ZC3H14: variants seen among roughly 807,000 people sequenced by gnomAD.
The protein encoded by ZC3H14 is zinc finger CCCH-type containing 14, also known as zinc finger CCCH domain-containing protein 14.
A neutral mutation model predicts 92.4 loss-of-function variants in ZC3H14; 31 were observed. The observed-to-expected ratio is 0.34, with a 90% CI of 0.25 to 0.45. The LOEUF (loss-of-function observed/expected upper bound fraction) is 0.45. Among genes scored for constraint, ZC3H14 ranks in the 20% least tolerant of loss-of-function variants. The pLI, the probability that ZC3H14 is intolerant of heterozygous loss-of-function variation, is 1.00. For synonymous variants in ZC3H14, 321 were observed against 300.9 expected (o/e 1.07, Z -0.69); for missense variants, 781 against 897.3 (o/e 0.87, Z 1.66).
At chr14:88,593,008 G>A (rs1418011532) in intron 9 of ZC3H14, among the ~76,000 whole-genome samples, 2 of 142,592 alleles carry the variant, frequency 1.4e-5, no homozygotes, top group Admixed American at 7.3e-5. Flanking sequence ...TCCCTCTGTC[G>A]CCTAGGCTGG....
At chr14:88,608,940 T>TA in intron 13 of ZC3H14, 2 of 320,858 alleles carry the variant, frequency 6.2e-6, no homozygotes, top group Non-Finnish European at 5.9e-6. Flanking sequence ...AAGCCTTGCA[T>TA]AGAGGATGTG....
chr14:88,572,866 T>C lies in ZC3H14; in HGVS notation c.720T>C (p.Ser240=). The C allele has an allele frequency of 1.2e-6, 2 of 1,614,216 alleles. No homozygotes were observed. Among genetic ancestry groups the C allele is most frequent in the Non-Finnish European group, 1.7e-6 (2 of 1,180,038 alleles). ...NRLQFQQQQN[S]IHAAKQLDMQ... ...TGCAATTTCAACAGCAGCAGAATAG[T>C]ATTCATGCTGCCAAGCAGCTTGATA... Residue 240 remains serine (S), a synonymous_variant, in exon 6 of 17, where the codon AGT becomes AGC. Transcript: ENST00000251038.
In ZC3H14 at chr14:88,594,943, A is replaced by G. The variant is rs766997705; in HGVS notation, c.1280-1791A>G. 17 of 1,613,870 alleles carry G rather than the reference A, an allele frequency of 1.1e-5. No homozygotes were observed. The South Asian group carries it at 1.9e-4, about 18-fold the overall frequency. ...AGCAAATCTTTTTGATCTAAATGTT[A>G]GAGTGTCCAAGAATGAAGCAAAAAT... On this transcript the variant is annotated intron_variant, in intron 9 of 16. Transcript: ENST00000251038.
In ZC3H14 at chr14:88,627,309, G is replaced by T. The variant is rs971138850; in HGVS notation, c.*15558G>T. ...GTAGGTAATATTATCCTGCTGATCT[G>T]CCATTATCATTAGAAATATACATAA... On this transcript the variant is annotated 3_prime_UTR_variant, in exon 17 of 17. Coordinates refer to ENST00000251038, the MANE Select transcript of ZC3H14 (RefSeq NM_024824.5). The T allele has an allele frequency of 4.0e-5, 20 of 494,988 alleles. No individual in the cohort carries two copies. The highest frequency in any genetic ancestry group is 5.4e-4 in the Middle Eastern group (1 of 1,856). The allele number at this position is 494,988 out of a possible 1,614,324, so 30.7% of individuals were successfully genotyped here.
intron 12 of ZC3H14, among the ~76,000 whole-genome samples, chr14:88,604,596 T>C (rs1221543340): frequency 1.0e-5 from 1 of 96,450 alleles, no homozygotes; most frequent in Non-Finnish European, 2.8e-5. Flanking sequence ...GCTTGCTTTC[T>C]TTGTTTTTTT....
chr14:88,572,047 T>A lies in ZC3H14; in HGVS notation c.253T>A (p.Ser85Thr), dbSNP rs1566895889. 1 of 1,613,922 alleles carries A rather than the reference T, an allele frequency of 6.2e-7. No homozygotes were observed. Among genetic ancestry groups the A allele is most frequent in the East Asian group, 2.2e-5 (1 of 44,888 alleles). Residue 85 changes from serine (S) to threonine (T), a missense_variant, in exon 5 of 17, where the codon TCT becomes ACT. Physicochemically the swap from Ser to Thr is moderately conservative, Grantham distance 58. This residue lies in a region of ZC3H14 where 106 missense variants were observed against 154.2 expected (regional missense o/e 0.69). Transcript: ENST00000251038. Reference sequence around the variant, plus strand: ...CTTTTCAGAACCCTCTAGTCTGAAGTCTTCTGATACCAACATCTTTGATAG... The same window carrying A: ...CTTTTCAGAACCCTCTAGTCTGAAGACTTCTGATACCAACATCTTTGATAG... ...SVTTEPSSLK[S>T]SDTNIFDSNV...
Position 88,621,186 on chromosome 14 carries a change from G to A in ZC3H14, c.*9435G>A, listed in dbSNP as rs1391481088. On this transcript the variant is annotated 3_prime_UTR_variant, in exon 17 of 17. Transcript: ENST00000251038. ...AAGGAAAAAATCCCTGGAAGGATGT[G>A]TTGCTAGTCCCCAGATTGGCCCATC... 6.2e-7 allele frequency: 1 copy of A among 1,613,814 alleles called. No individual in the cohort carries two copies. Among genetic ancestry groups the A allele is most frequent in the Non-Finnish European group, 8.5e-7 (1 of 1,179,872 alleles).
chr14:88,575,416 T>C (rs1284333692), intron 7 of ZC3H14, among the ~76,000 whole-genome samples: 1 of 151,956 alleles, frequency 6.6e-6, no homozygotes, highest in Non-Finnish European at 1.5e-5. Flanking sequence ...AAAAGGGGCC[T>C]AGGCATGGTG....
In ZC3H14 at chr14:88,614,570, C is replaced by G. The variant is rs564506484; in HGVS notation, c.*2819C>G. ...ATAAAGATAATTAACACATTAAAAA[C>G]TCATAGGGTCAATACAGCATCTTAA... is the stretch of plus-strand genomic sequence containing the variant. On this transcript the variant is annotated 3_prime_UTR_variant, in exon 17 of 17. Transcript: ENST00000251038. The G allele has an allele frequency of 6.6e-6, 1 of 152,258 alleles. No individual in the cohort carries two copies. The highest frequency in any genetic ancestry group is 1.9e-4 in the East Asian group (1 of 5,186). 9.4% of individuals were successfully genotyped at this position (152,258 alleles called of 1,614,324 possible). A position where few individuals can be genotyped will look rare whatever the true frequency, so the allele number is the denominator to read the frequency against.
chr14:88,577,361 CAT>C (rs1485662678), intron 8 of ZC3H14, among the ~76,000 whole-genome samples: 2 of 152,094 alleles, frequency 1.3e-5, no homozygotes, highest in African/African-American at 4.8e-5. Flanking sequence ...ATTTGAAACT[CAT>C]ATAAGATCAT....
chr14:88,569,455 T>A (rs1386056288), intron 3 of ZC3H14, among the ~76,000 whole-genome samples: 4 of 152,230 alleles, frequency 2.6e-5, no homozygotes, highest in African/African-American at 9.6e-5. Flanking sequence ...ATTACTGTTA[T>A]ATGCCTTTAG....
At position 88,618,558 on chromosome 14, in the gene ZC3H14, C is replaced by G; in HGVS notation, c.*6807C>G. On this transcript the variant is annotated 3_prime_UTR_variant, in exon 17 of 17. Transcript: ENST00000251038. The stretch of plus-strand genomic sequence containing the variant: ...AAAGGGAGGAGTTGAGAAGCTGGAG[C>G]TCTGGAGCTCAGGAACTTTAAATGC... The G allele has an allele frequency of 7.0e-7, 1 of 1,419,520 alleles. No homozygotes were observed. The highest frequency in any genetic ancestry group is 1.4e-5 in the African/African-American group (1 of 70,026). 87.9% of individuals were successfully genotyped at this position (1,419,520 alleles called of 1,614,324 possible).
rs74075832 is a variant in ZC3H14 at position 88,597,240 on chromosome 14, T to C, written c.1354+432T>C. The stretch of plus-strand genomic sequence containing the variant: ...CCACACCTGGAACTTGTTGTTCTAG[T>C]GTTCTAGAGCCACTCTAGTTTGCCT... On this transcript the variant is annotated intron_variant, in intron 10 of 16. Transcript: ENST00000251038. Among the ~76,000 whole-genome samples, 400 of 152,312 alleles carry C rather than the reference T, an allele frequency of 2.6e-3. 1 individual carries two copies. Among genetic ancestry groups the C allele is most frequent in the African/African-American group, 9.2e-3 (383 of 41,562 alleles).
rs2140191416 is a variant in ZC3H14 at position 88,613,082 on chromosome 14, T to C, written c.*1331T>C. The C allele has an allele frequency of 6.6e-6, 1 of 152,558 alleles. No homozygotes were observed. Among genetic ancestry groups the C allele is most frequent in the Non-Finnish European group, 1.5e-5 (1 of 68,028 alleles). 9.5% of individuals were successfully genotyped at this position (152,558 alleles called of 1,614,324 possible). ...GTTTAAGATTGTCAAGCCAGCAGTC[T>C]ACTGTTGTGTTGCCATTGCTTTTCC... On this transcript the variant is annotated 3_prime_UTR_variant, in exon 17 of 17. Transcript: ENST00000251038.
chr14:88,604,596 TTTG>T (rs1444777443), intron 12 of ZC3H14, among the ~76,000 whole-genome samples: 1,404 of 96,534 alleles, frequency 0.015, 10 homozygotes, highest in Non-Finnish European at 0.027. Context: ...GCTTGCTTTC[TTTG>T]TTTTTTTTTT....
chr14:88,583,970 T>C (rs1384808991), intron 9 of ZC3H14, among the ~76,000 whole-genome samples: 2 of 152,220 alleles, frequency 1.3e-5, no homozygotes, highest in Admixed American at 6.5e-5. Flanking sequence ...TTTGCTTTAT[T>C]TTTAGGCTGT....
intron 15 of ZC3H14, among the ~76,000 whole-genome samples, chr14:88,610,224 C>G (rs2086352937): frequency 6.6e-6 from 1 of 152,186 alleles, no homozygotes; most frequent in Non-Finnish European, 1.5e-5. Context: ...AATGAATTAT[C>G]TCCTTCTTGC....
At chr14:88,595,036 CAAG>C (rs774671754) in intron 9 of ZC3H14, 13 of 1,613,356 alleles carry the variant, frequency 8.1e-6, no homozygotes, top group African/African-American at 1.3e-5. Flanking sequence ...GTTTGAAGAT[CAAG>C]AAGAAGATAC....
intron 9 of ZC3H14, chr14:88,590,951 C>T (rs2083051004): frequency 6.6e-6 from 1 of 152,106 alleles, no homozygotes; most frequent in Admixed American, 6.5e-5. Flanking sequence ...AGTATTTGTC[C>T]ATATATTTTC....
Sources: gnomAD v4.1 joint callset for allele counts (sites outside exome capture counted in the v4.1 genomes callset) on GRCh38, gnomAD v4.1.1 for gene constraint, gnomAD v4.1.1 regional missense constraint, MANE v1.5 for transcripts, NCBI Gene and HGNC (gene_info 2026-07-23, HGNC 2026-07-21) for gene names.